GGA1: variants seen among roughly 807,000 people sequenced by gnomAD.
GGA1 encodes ADP-ribosylation factor-binding protein GGA1.
In GGA1, 18 loss-of-function variants were observed where a neutral mutation model predicts 76.9. The ratio of observed to expected loss-of-function variants is 0.23; its 90% CI spans 0.16 to 0.35. The LOEUF (loss-of-function observed/expected upper bound fraction) is 0.35. Ranked by LOEUF, GGA1 falls within the 10% of genes least tolerant of loss-of-function variation. The probability of loss-of-function intolerance (pLI) is 1.00; values close to 1 mark genes in which losing one functional copy is unlikely to be tolerated. For missense variants in GGA1, 755 were observed against 859.0 expected (o/e 0.88, Z 1.51); for synonymous variants, 342 against 354.7 (o/e 0.96, Z 0.40).
chr22:37,613,246 C>T (rs1006685122), intron 1 of GGA1: 27 of 813,330 alleles, frequency 3.3e-5, no homozygotes, highest in African/African-American at 5.6e-5. Context: ...TGTGGTTACC[C>T]GCATCTTTCC....
intron 7 of GGA1, among the ~76,000 whole-genome samples, chr22:37,622,221 T>TA (rs1260646690): frequency 2.1e-5 from 3 of 141,862 alleles, no homozygotes; most frequent in African/African-American, 7.9e-5. Flanking sequence ...TGGCACTAAA[T>TA]ACGTGTGCCA....
intron 1 of GGA1, among the ~76,000 whole-genome samples, chr22:37,609,675 C>T (rs1449136433): frequency 6.6e-6 from 1 of 152,198 alleles, no homozygotes; most frequent in East Asian, 1.9e-4. Flanking sequence ...AAACCCTCCA[C>T]CTGAGCTCCT....
At chr22:37,616,502 C>G (rs967166723) in intron 2 of GGA1, among the ~76,000 whole-genome samples, 2 of 152,188 alleles carry the variant, frequency 1.3e-5, no homozygotes, top group Admixed American at 1.3e-4. Context: ...CTCTGATTTG[C>G]CACAGCAGAA....
intron 4 of GGA1, 77 bp from the exon 5 acceptor site, chr22:37,620,161 T>C: frequency 6.5e-7 from 1 of 1,538,346 alleles, no homozygotes; most frequent in East Asian, 2.3e-5. Context: ...GGGGAGGCAG[T>C]AGGGTGTGGA....
chr22:37,608,946 C>A, intron 1 of GGA1, 43 bp downstream of exon 1: 1 of 1,298,028 alleles, frequency 7.7e-7, no homozygotes, highest in Non-Finnish European at 9.8e-7. Flanking sequence ...GAACCGGAAC[C>A]GGGGGCACGA....
chr22:37,614,197 C>T lies in GGA1; in HGVS notation c.51C>T (p.Ala17=), dbSNP rs528711217. The T allele has an allele frequency of 1.1e-5, 18 of 1,612,566 alleles. No homozygotes were observed. The African/African-American group carries it at 1.9e-4, about 17-fold the overall frequency. ...CCAGCTCTCCTCTTCCAGATAGAGC[C>T]ACGAACCCCCTGAACAAGGAGCTCG... ...PETLEARINR[A]TNPLNKELDW... Residue 17 remains alanine (A), a synonymous_variant, in exon 2 of 17, where the codon GCC becomes GCT. Coordinates refer to ENST00000343632, the MANE Select transcript of GGA1 (RefSeq NM_013365.5).
At chr22:37,630,476 A>G (rs1931604966) in intron 13 of GGA1, among the ~76,000 whole-genome samples, 1 of 152,004 alleles carries the variant, frequency 6.6e-6, no homozygotes, top group Admixed American at 6.5e-5. Context: ...GGAGAACACG[A>G]GCTGCTCCTT....
chr22:37,620,206 G>A, intron 4 of GGA1, 32 bp from the exon 5 acceptor site: 1 of 1,612,658 alleles, frequency 6.2e-7, no homozygotes, highest in Non-Finnish European at 8.5e-7. Flanking sequence ...GGGCTGGGCA[G>A]TATCAAAGGC....
chr22:37,617,524 C>T (rs1462260518), intron 3 of GGA1: 21 of 989,850 alleles, frequency 2.1e-5, no homozygotes, highest in Non-Finnish European at 2.5e-5. Context: ...GGTAGAGATA[C>T]AGTTTCTCTT....
chr22:37,630,259 AGGG>A, intron 13 of GGA1, 89 bp downstream of exon 13: 2 of 964,120 alleles, frequency 2.1e-6, no homozygotes, highest in Non-Finnish European at 3.1e-6. Context: ...CAGGCCCAGC[AGGG>A]AGAGGCTCGT....
At chr22:37,628,673 A>C (rs1266702280) in intron 11 of GGA1, among the ~76,000 whole-genome samples, 4 of 152,226 alleles carry the variant, frequency 2.6e-5, no homozygotes. Context: ...AAGTGCATCT[A>C]GAAGGGACCC....
At chr22:37,609,338 C>T in intron 1 of GGA1, 1 of 1,097,422 alleles carries the variant, frequency 9.1e-7, no homozygotes, top group Non-Finnish European at 1.1e-6. Context: ...TCTGGCCCTG[C>T]ATGGCGTTCC....
At chr22:37,609,165 C>G in intron 1 of GGA1, 1 of 1,436,258 alleles carries the variant, frequency 7.0e-7, no homozygotes, top group South Asian at 1.3e-5. Context: ...GTGAGCTGCG[C>G]CGGGAACCCC....
chr22:37,617,245 G>A (rs1928983857), intron 3 of GGA1: 4 of 1,368,228 alleles, frequency 2.9e-6, no homozygotes, highest in Non-Finnish European at 3.7e-6. Context: ...TGGTCCAGGG[G>A]TTCTTTGCTT....
chr22:37,619,437 G>A (rs551514977), intron 4 of GGA1, among the ~76,000 whole-genome samples: 193 of 147,204 alleles, frequency 1.3e-3, no homozygotes, highest in African/African-American at 4.7e-3. Context: ...GGAGTGCAAT[G>A]GCGCGATCTC....
intron 11 of GGA1, among the ~76,000 whole-genome samples, chr22:37,627,470 A>T (rs1931050416): frequency 1.3e-5 from 2 of 152,278 alleles, no homozygotes; most frequent in African/African-American, 4.8e-5. Flanking sequence ...GCCAAGGGTG[A>T]CCGCAGGGAG....
intron 5 of GGA1, 137 bp from the exon 6 acceptor site, chr22:37,620,676 A>C (rs1929716210): frequency 4.4e-6 from 3 of 683,982 alleles, no homozygotes; most frequent in South Asian, 3.3e-5. Context: ...CCAGGCCACT[A>C]AGAGTCCAGA....
intron 13 of GGA1, 23 bp downstream of exon 13, chr22:37,630,193 A>G (rs1159264926): frequency 1.3e-5 from 20 of 1,536,516 alleles, no homozygotes; most frequent in Non-Finnish European, 1.8e-5. Context: ...CATGGCTGGC[A>G]TGGGGTGGGG....
chr22:37,617,209 C>T (rs1453010546), intron 3 of GGA1: 3 of 1,414,652 alleles, frequency 2.1e-6, no homozygotes, highest in East Asian at 2.8e-5. Flanking sequence ...AGGCCTGTTG[C>T]TGAGGGAAGG....
Sources: allele counts gnomAD v4.1 joint callset (sites outside exome capture counted in the v4.1 genomes callset), GRCh38; gene constraint gnomAD v4.1.1; transcripts MANE v1.5; gene names NCBI Gene and HGNC (gene_info 2026-07-23, HGNC 2026-07-21).